Variants in DDX49 observed in about 807,000 individuals in gnomAD.
DDX49 encodes the protein probable ATP-dependent RNA helicase DDX49.
DDX49 carries 50 observed loss-of-function variants against 56.3 expected under a neutral mutation model. That is an observed-to-expected ratio of 0.89 (90% confidence interval 0.71 to 1.12). The LOEUF is 1.12. DDX49 is among the 50% of genes most tolerant of loss of function. The probability of loss-of-function intolerance (pLI) is 0.00; values close to 1 mark genes in which losing one functional copy is unlikely to be tolerated. For synonymous variants in DDX49, 269 were observed against 270.6 expected, an observed-to-expected ratio of 0.99 and a Z score of 0.06; for missense variants, 614 against 650.5, an observed-to-expected ratio of 0.94 and a Z score of 0.61.
rs1468048081 is a variant in DDX49, at chr19:18,924,964, C to A, written c.1012C>A (p.Arg338=). Residue 338 remains arginine (R), a synonymous_variant, in exon 9 of 13, where the codon CGG becomes AGG. Transcript: ENST00000247003. ...CAAGATCTACATCCACCGAGTCGGC[C>A]GGACGGCCCGTGCAGGTGAGCAGTG... ...LPKIYIHRVG[R]TARAGRQGQA... 2 of 1,611,212 alleles carry A rather than the reference C, an allele frequency of 1.2e-6. No homozygotes were observed. The highest frequency in any genetic ancestry group is 2.7e-5 in the African/African-American group (2 of 74,938).
chr19:18,928,240 C>G lies in DDX49; in HGVS notation c.1376C>G (p.Ala459Gly). The G allele has an allele frequency of 6.3e-7, 1 of 1,588,204 alleles. No homozygotes were observed. Among genetic ancestry groups the G allele is most frequent in the Non-Finnish European group, 8.6e-7 (1 of 1,167,444 alleles). ...CTGAAGCGACAGAAGGCTGGCAGGG[C>G]TGGCCACAAGGGGCGTCCACCCAGG... The part of the protein sequence containing the change: ...ETLKRQKAGR[A>G]GHKGRPPRTP... The change falls in exon 13 of 13, where the codon GCT (alanine) becomes GGT (glycine). Residue 459 changes from alanine (A) to glycine (G), a missense_variant. Coordinates refer to ENST00000247003, the MANE Select transcript of DDX49 (RefSeq NM_019070.5).
At position 18,919,813 on chromosome 19, in the gene DDX49, G is replaced by A; in HGVS notation, c.72G>A (p.Gln24=). ...VEQCRQLGLK[Q]PTPVQLGCIP... ...AATGTCGGCAGCTGGGTTTGAAGCAGCCCACGCCCGTGCAGCTCGGCTGCA... is the reference window on the plus strand; with the variant it reads ...AATGTCGGCAGCTGGGTTTGAAGCAACCCACGCCCGTGCAGCTCGGCTGCA... The change falls in exon 1 of 13, where the codon CAG becomes CAA. Residue 24 remains glutamine, a synonymous_variant. Transcript: ENST00000247003. 6.2e-7 allele frequency: 1 copy of A among 1,609,440 alleles called. No individual in the cohort carries two copies. Among genetic ancestry groups the A allele is most frequent in the Non-Finnish European group, 8.5e-7 (1 of 1,176,568 alleles).
intron 2 of DDX49, among the ~76,000 whole-genome samples, chr19:18,921,400 T>C (rs2056916055): frequency 6.6e-6 from 1 of 151,956 alleles, no homozygotes; most frequent in African/African-American, 2.4e-5. Context: ...AAAGGCGAAC[T>C]GGGGGAAGGC....
intron 6 of DDX49, among the ~76,000 whole-genome samples, chr19:18,923,639 T>C (rs2056936847): frequency 6.6e-6 from 1 of 152,090 alleles, no homozygotes; most frequent in Non-Finnish European, 1.5e-5. Context: ...TGTTTTCCTC[T>C]GCTGGCTCCT....
chr19:18,921,990 C>T, intron 4 of DDX49, 26 bp downstream of exon 4: 1 of 1,588,134 alleles, frequency 6.3e-7, no homozygotes, highest in Non-Finnish European at 8.6e-7. Flanking sequence ...CCCTGCAGAC[C>T]TCAGGAGCTG....
chr19:18,926,184 G>C, intron 9 of DDX49, 119 bp from the exon 10 acceptor site: 1 of 1,088,566 alleles, frequency 9.2e-7, no homozygotes, highest in Non-Finnish European at 1.3e-6. Context: ...TCCCTCCCAA[G>C]CCCAAGCCCT....
chr19:18,919,723 C>G lies in DDX49; in HGVS notation c.-19C>G. ...ATCACACGGGCCCCTACAAGGGGCCCCTACAAGCGGCCACAAGGATGGCAG... is the reference window on the plus strand; with the variant it reads ...ATCACACGGGCCCCTACAAGGGGCCGCTACAAGCGGCCACAAGGATGGCAG... On this transcript the variant is annotated 5_prime_UTR_variant, in exon 1 of 13. Coordinates refer to ENST00000247003, the MANE Select transcript of DDX49 (RefSeq NM_019070.5). The G allele has an allele frequency of 6.2e-7, 1 of 1,602,084 alleles. No individual in the cohort carries two copies. The highest frequency in any genetic ancestry group is 1.8e-4 in the Middle Eastern group (1 of 5,692).
At chr19:18,926,848 G>T (rs1045659448) in intron 10 of DDX49, among the ~76,000 whole-genome samples, 2 of 152,012 alleles carry the variant, frequency 1.3e-5, no homozygotes, top group African/African-American at 2.4e-5. Flanking sequence ...CGAGGTGGGC[G>T]GATCACTTGA....
chr19:18,922,395 C>A lies in DDX49; in HGVS notation c.517C>A (p.Leu173Met), dbSNP rs1305547025. 1 of 1,611,414 alleles carries A rather than the reference C, an allele frequency of 6.2e-7. No homozygotes were observed. The highest frequency in any genetic ancestry group is 1.7e-5 in the Admixed American group (1 of 59,812). Residue 173 changes from leucine to methionine, a missense_variant, in exon 5 of 13, where the codon CTG becomes ATG. By Grantham distance (15) the Leu-to-Met change is conservative. Transcript: ENST00000247003. The stretch of plus-strand genomic sequence containing the variant: ...CTTCACCGTGGACCTGGAGGCCATC[C>A]TGGCGGCTGTGCCGGCCCGCAGGCA... Reference protein sequence around the residue: ...TDFTVDLEAILAAVPARRQTL... With the variant: ...TDFTVDLEAIMAAVPARRQTL...
intron 9 of DDX49, among the ~76,000 whole-genome samples, chr19:18,925,558 AAAT>A (rs748547722): frequency 1.3e-5 from 2 of 152,246 alleles, no homozygotes; most frequent in East Asian, 3.8e-4. Context: ...CTGTCTCAAA[AAAT>A]AATAATAAAC....
intron 10 of DDX49, among the ~76,000 whole-genome samples, 195 bp from the exon 11 acceptor site, chr19:18,927,571 G>A (rs1601257852): frequency 2.0e-5 from 3 of 152,222 alleles, no homozygotes; most frequent in African/African-American, 4.8e-5. Context: ...TTGGGTGACC[G>A]TGAGACTCTG....
chr19:18,928,516 C>T lies in DDX49; in HGVS notation c.*200C>T. On this transcript the variant is annotated 3_prime_UTR_variant, in exon 13 of 13. Coordinates refer to ENST00000247003, the MANE Select transcript of DDX49 (RefSeq NM_019070.5). The stretch of plus-strand genomic sequence containing the variant: ...CCTTCCCTGAGCCCTGGCCAAGATT[C>T]AGGCTGCAGGGGAAGAAAGAACATG... The T allele has an allele frequency of 1.7e-6, 1 of 577,948 alleles. No homozygotes were observed. The highest frequency in any genetic ancestry group is 3.0e-5 in the East Asian group (1 of 33,040). The allele number at this position is 577,948 out of a possible 1,614,324, so 35.8% of individuals were successfully genotyped here.
chr19:18,926,368 G>A lies in DDX49; in HGVS notation c.1093G>A (p.Glu365Lys). The change falls in exon 10 of 13, where the codon GAG becomes AAG. Residue 365 changes from glutamate (E) to lysine (K), a missense_variant. Glu to Lys is a moderately conservative substitution (Grantham distance 56). Coordinates refer to ENST00000247003, the MANE Select transcript of DDX49 (RefSeq NM_019070.5). ...YDIHLVHAIE[E>K]QIKKKLEEFS... The stretch of plus-strand genomic sequence containing the variant: ...CATCCACCTGGTGCACGCCATCGAG[G>A]AGCAGATCAGTGAGTGGGGTTGGGG... The A allele has an allele frequency of 1.4e-6, 2 of 1,440,274 alleles. No homozygotes were observed. Among genetic ancestry groups the A allele is most frequent in the Non-Finnish European group, 1.9e-6 (2 of 1,076,884 alleles). 89.2% of individuals were successfully genotyped at this position (1,440,274 alleles called of 1,614,324 possible).
intron 9 of DDX49, among the ~76,000 whole-genome samples, chr19:18,925,778 T>C (rs2145105738): frequency 6.6e-6 from 1 of 152,160 alleles, no homozygotes; most frequent in South Asian, 2.1e-4. Context: ...CCAGGAAAGA[T>C]GTGGTTGCTG....
At chr19:18,927,907 T>C in intron 11 of DDX49, 53 bp downstream of exon 11, 1 of 1,613,570 alleles carries the variant, frequency 6.2e-7, no homozygotes. Context: ...CCGGGGGTGC[T>C]CCCTTCCAGG....
intron 7 of DDX49, 35 bp downstream of exon 7, chr19:18,924,343 G>A: frequency 6.6e-7 from 1 of 1,505,544 alleles, no homozygotes; most frequent in Non-Finnish European, 8.8e-7. Flanking sequence ...GCCTCACCCT[G>A]GGATACCTTC....
At position 18,922,611 on chromosome 19, in the gene DDX49, A is replaced by G; in HGVS notation, c.643A>G (p.Thr215Ala). The G allele has an allele frequency of 6.2e-7, 1 of 1,612,000 alleles. No individual in the cohort carries two copies. The change falls in exon 6 of 13, where the codon ACC becomes GCC. Residue 215 changes from threonine to alanine, a missense_variant. Physicochemically the swap from Thr to Ala is moderately conservative, Grantham distance 58. Coordinates refer to ENST00000247003, the MANE Select transcript of DDX49 (RefSeq NM_019070.5). ...FFWEAQAPVS[T>A]VEQLDQRYLL... ...CTATCTGTCCATCCCCAGGGTGAGCACCGTGGAGCAGCTGGACCAGCGCTA... is the reference window on the plus strand; with the variant it reads ...CTATCTGTCCATCCCCAGGGTGAGCGCCGTGGAGCAGCTGGACCAGCGCTA...
intron 9 of DDX49, among the ~76,000 whole-genome samples, chr19:18,925,351 C>T (rs184870102): frequency 0.011 from 1,715 of 152,050 alleles, 29 homozygotes; most frequent in African/African-American, 0.039. Flanking sequence ...GTCAGGAGTT[C>T]GAGACCAGCC....
rs751425073 is a variant in DDX49, at chr19:18,921,835, TC to T, written c.326-3del. Reference sequence around the variant, plus strand: ...GCCCAGCCCTGCCTCTCATGCTCTGTCCCCCAGACATGGTGGCCCAGGCGCT... The same window carrying T: ...GCCCAGCCCTGCCTCTCATGCTCTGTCCCCAGACATGGTGGCCCAGGCGCT... On this transcript the variant is annotated splice_region_variant and splice_polypyrimidine_tract_variant and intron_variant, in intron 3 of 12. Coordinates refer to ENST00000247003, the MANE Select transcript of DDX49 (RefSeq NM_019070.5). 3.5e-5 allele frequency: 57 copies of T among 1,613,596 alleles called. No individual in the cohort carries two copies. The highest frequency in any genetic ancestry group is 4.7e-5 in the Non-Finnish European group (55 of 1,179,954).
Sources: gnomAD v4.1 joint callset for allele counts (sites outside exome capture counted in the v4.1 genomes callset) on GRCh38, gnomAD v4.1.1 for gene constraint, MANE v1.5 for transcripts, NCBI Gene and HGNC (gene_info 2026-07-23, HGNC 2026-07-21) for gene names.